Variants in ATP10A observed in about 807,000 individuals in gnomAD.
The protein encoded by ATP10A is phospholipid-transporting ATPase VA.
Under a neutral mutation model 147.8 loss-of-function variants are expected in ATP10A, and 111 were observed. The ratio of observed to expected loss-of-function variants is 0.75; its 90% CI spans 0.64 to 0.88. The LOEUF is 0.88. Ranked by LOEUF, ATP10A falls within the 40% of genes least tolerant of loss-of-function variation. The probability of loss-of-function intolerance (pLI) is 0.00; values close to 1 mark genes in which losing one functional copy is unlikely to be tolerated. For synonymous variants in ATP10A, 875 were observed against 841.6 expected (o/e 1.04, Z -0.69); for missense variants, 1,927 against 1,959.0 (o/e 0.98, Z 0.31).
At chr15:25,744,264 A>G (rs1887726416) in intron 2 of ATP10A, among the ~76,000 whole-genome samples, 1 of 152,144 alleles carries the variant, frequency 6.6e-6, no homozygotes, top group Non-Finnish European at 1.5e-5. Context: ...ATGGAGTATA[A>G]TAATTCCAAA....
chr15:25,773,338 A>C (rs545673426), intron 2 of ATP10A, among the ~76,000 whole-genome samples: 66 of 152,212 alleles, frequency 4.3e-4, no homozygotes, highest in Admixed American at 1.4e-3. Flanking sequence ...GATAACTCCA[A>C]TGTCTGCGGA....
chr15:25,690,907 G>A (rs1396399591), intron 15 of ATP10A, among the ~76,000 whole-genome samples: 2 of 152,144 alleles, frequency 1.3e-5, no homozygotes, highest in African/African-American at 4.8e-5. Context: ...CAGCCGTGAC[G>A]GAACTACTGT....
intron 12 of ATP10A, among the ~76,000 whole-genome samples, chr15:25,702,850 G>A (rs939052600): frequency 1.2e-4 from 18 of 151,396 alleles, no homozygotes; most frequent in Middle Eastern, 3.2e-3. Context: ...CCCTAGGTTC[G>A]AGCCCTGACT....
chr15:25,675,203 G>A (rs780416598), downstream of ATP10A, among the ~76,000 whole-genome samples: 28 of 152,178 alleles, frequency 1.8e-4, no homozygotes, highest in Non-Finnish European at 3.1e-4. Flanking sequence ...CCAAGTCTGA[G>A]CCATGTCGTA....
At chr15:25,683,529 C>A in intron 16 of ATP10A, 43 bp from the exon 17 acceptor site, 1 of 1,555,764 alleles carries the variant, frequency 6.4e-7, no homozygotes. Flanking sequence ...GAGTCTTCAG[C>A]CATTGCTGAG....
rs1415535261 is a variant in ATP10A at position 25,782,653 on chromosome 15, A to G, written c.450-1430T>C. Among the ~76,000 whole-genome samples the G allele has an allele frequency of 3.9e-5, 6 of 152,134 alleles. No homozygotes were observed. In the East Asian group the frequency reaches 1.2e-3, roughly 29 times the overall value. On this transcript the variant is annotated intron_variant, in intron 1 of 20. Coordinates refer to ENST00000555815, the MANE Select transcript of ATP10A (RefSeq NM_024490.4). The stretch of plus-strand genomic sequence containing the variant: ...CCAATACAGTCAGCCTGCAGAACCT[A>G]CGAGTCACTATCAACAGATATTTAG...
chr15:25,776,149 A>G (rs1309714165), intron 2 of ATP10A, among the ~76,000 whole-genome samples: 1 of 152,260 alleles, frequency 6.6e-6, no homozygotes, highest in Non-Finnish European at 1.5e-5. Context: ...TAAAATTATC[A>G]GTCTAGGGAT....
intron 1 of ATP10A, among the ~76,000 whole-genome samples, chr15:25,855,270 G>T (rs1439053961): frequency 6.6e-6 from 1 of 151,946 alleles, no homozygotes; most frequent in African/African-American, 2.4e-5. Flanking sequence ...ATATAACAAT[G>T]GATTGTACAC....
Position 25,863,050 on chromosome 15 carries a change from C to T in ATP10A, c.47G>A (p.Arg16Gln). The change falls in exon 1 of 21, where the codon CGG becomes CAG. Residue 16 changes from arginine (R) to glutamine (Q), a missense_variant. Transcript: ENST00000555815. ...AGTEEPGPPG[R>Q]RRRREGRTRT... Reference sequence around the variant, plus strand: ...CGTCCTGCCCTCTCGGCGCCTCCGCCGTCCCGGAGGCCCGGGCTCCTCGGT... The same window carrying T: ...CGTCCTGCCCTCTCGGCGCCTCCGCTGTCCCGGAGGCCCGGGCTCCTCGGT... 1 of 1,256,516 alleles carries T rather than the reference C, an allele frequency of 8.0e-7. No individual in the cohort carries two copies. Among genetic ancestry groups the T allele is most frequent in the South Asian group, 3.0e-5 (1 of 33,424 alleles). 77.8% of individuals were successfully genotyped at this position (1,256,516 alleles called of 1,614,324 possible). A position where few individuals can be genotyped will look rare whatever the true frequency, so the allele number is the denominator to read the frequency against.
At chr15:25,721,317 C>G (rs752998940) in intron 7 of ATP10A, among the ~76,000 whole-genome samples, 2 of 152,220 alleles carry the variant, frequency 1.3e-5, no homozygotes, top group African/African-American at 4.8e-5. Context: ...AGACATCTCT[C>G]TGTCCCTTGG....
At chr15:25,691,558 T>C (rs1475928137) in intron 15 of ATP10A, among the ~76,000 whole-genome samples, 157 bp downstream of exon 15, 1 of 152,146 alleles carries the variant, frequency 6.6e-6, no homozygotes, top group Non-Finnish European at 1.5e-5. Context: ...CTTCCACTAG[T>C]GGCTTAGCAG....
intron 6 of ATP10A, among the ~76,000 whole-genome samples, chr15:25,722,311 G>T (rs541315972): frequency 6.6e-6 from 1 of 152,294 alleles, no homozygotes; most frequent in Non-Finnish European, 1.5e-5. Flanking sequence ...CGACCCCCAG[G>T]CTTTCCCTGG....
At chr15:25,842,907 C>A (rs1447411887) in intron 1 of ATP10A, among the ~76,000 whole-genome samples, 12 of 152,006 alleles carry the variant, frequency 7.9e-5, no homozygotes, top group African/African-American at 2.9e-4. Context: ...TTTATAGAAA[C>A]GGAATCTCAC....
intron 5 of ATP10A, 135 bp from the exon 6 acceptor site, chr15:25,724,156 G>A (rs1902409783): frequency 3.1e-6 from 3 of 966,942 alleles, no homozygotes; most frequent in Non-Finnish European, 4.4e-6. Context: ...GCTTTGCCAT[G>A]TCAGAAAGCG....
In ATP10A at chr15:25,687,757, A is replaced by G. The variant is rs1359771243; in HGVS notation, c.3237T>C (p.His1079=). The change falls in exon 16 of 21, where the codon CAT becomes CAC. Residue 1079 remains histidine (H), a synonymous_variant. Coordinates refer to ENST00000555815, the MANE Select transcript of ATP10A (RefSeq NM_024490.4). Reference sequence around the variant, plus strand: ...TGTTGGCAAGTCGGGAGTAGCACCAATGCCCGTGAAGAATCAAGAGCCTCT... The same window carrying G: ...TGTTGGCAAGTCGGGAGTAGCACCAGTGCCCGTGAAGAATCAAGAGCCTCT... ...YLERLLILHG[H]WCYSRLANMV... The G allele has an allele frequency of 2.5e-6, 4 of 1,613,330 alleles. No individual in the cohort carries two copies. In the Admixed American group the frequency reaches 6.7e-5, roughly 27 times the overall value.
intron 15 of ATP10A, among the ~76,000 whole-genome samples, chr15:25,691,299 C>T (rs1005096860): frequency 1.3e-5 from 2 of 152,138 alleles, no homozygotes; most frequent in Non-Finnish European, 2.9e-5. Context: ...GTGAGGATGG[C>T]TACATTCCAC....
chr15:25,782,979 A>G (rs1889993403), intron 1 of ATP10A, among the ~76,000 whole-genome samples: 1 of 151,900 alleles, frequency 6.6e-6, no homozygotes, highest in South Asian at 2.1e-4. Context: ...AGACCAGCCT[A>G]GACAACATAG....
intron 5 of ATP10A, among the ~76,000 whole-genome samples, chr15:25,725,185 C>T (rs1902467716): frequency 6.6e-6 from 1 of 152,170 alleles, no homozygotes; most frequent in African/African-American, 2.4e-5. Context: ...ATCTAGGTTG[C>T]ACGCTCCTGA....
At chr15:25,706,629 T>C (rs1019453387) in intron 12 of ATP10A, among the ~76,000 whole-genome samples, 11 of 152,254 alleles carry the variant, frequency 7.2e-5, no homozygotes, top group Non-Finnish European at 1.2e-4. Context: ...CTCACAGCCA[T>C]GTCCCCAAAT....
Sources: gnomAD v4.1 joint callset for allele counts (sites outside exome capture counted in the v4.1 genomes callset) on GRCh38, gnomAD v4.1.1 for gene constraint, MANE v1.5 for transcripts, NCBI Gene and HGNC (gene_info 2026-07-23, HGNC 2026-07-21) for gene names.